The following CADPS variants were observed in gnomAD, a reference collection of about 807,000 sequenced individuals.
CADPS encodes the protein calcium-dependent secretion activator 1.
CADPS carries 57 observed loss-of-function variants against 167.3 expected under a neutral mutation model. The observed-to-expected ratio is 0.34, with a 90% CI of 0.28 to 0.42. The LOEUF is 0.42. Among genes scored for constraint, CADPS ranks in the 20% least tolerant of loss-of-function variants. The pLI is 1.00. For missense variants in CADPS, 1,414 were observed against 1,738.1 expected (o/e 0.81, Z 3.32); for synonymous variants, 676 against 635.3 (o/e 1.06, Z -0.96).
At chr3:62,855,230 G>A (rs140508360) in intron 1 of CADPS, among the ~76,000 whole-genome samples, 2 of 151,596 alleles carry the variant, frequency 1.3e-5, no homozygotes, top group South Asian at 2.1e-4. Flanking sequence ...CAGGCATGAG[G>A]CACTGTGCTT....
chr3:62,754,840 T>G (rs2152428558), intron 2 of CADPS, among the ~76,000 whole-genome samples: 1 of 152,336 alleles, frequency 6.6e-6, no homozygotes, highest in South Asian at 2.1e-4. Context: ...CACATAGCAT[T>G]AAACATTAAC....
At chr3:62,853,809 A>G (rs2079111304) in intron 1 of CADPS, among the ~76,000 whole-genome samples, 1 of 151,062 alleles carries the variant, frequency 6.6e-6, no homozygotes, top group South Asian at 2.1e-4. Context: ...AAAAGTACTT[A>G]GCCAGGTGTG....
intron 6 of CADPS, among the ~76,000 whole-genome samples, chr3:62,633,261 C>T (rs559098515): frequency 6.6e-6 from 1 of 152,280 alleles, no homozygotes; most frequent in East Asian, 1.9e-4. Flanking sequence ...CATCATCGAC[C>T]ACCACCCTGT....
chr3:62,729,067 C>T lies in CADPS; in HGVS notation c.888+24374G>A, dbSNP rs191202503. 2.9e-4 allele frequency among the ~76,000 whole-genome samples: 44 copies of T among 152,066 alleles called. No homozygotes were observed. The South Asian group carries it at 3.1e-3, about 11-fold the overall frequency. ...TGCTAATCCTTTCTATCATTACATG[C>T]TTTTGTATTTAACCCCTTGGCCTTA... is the stretch of plus-strand genomic sequence containing the variant. On this transcript the variant is annotated intron_variant, in intron 3 of 29. Coordinates refer to ENST00000383710, the MANE Select transcript of CADPS (RefSeq NM_003716.4).
At chr3:62,532,850 G>A in intron 13 of CADPS, 21 bp downstream of exon 13, 1 of 1,610,648 alleles carries the variant, frequency 6.2e-7, no homozygotes, top group Non-Finnish European at 8.5e-7. Context: ...ATCACCTCTA[G>A]ACACACGAAC....
chr3:62,499,903 T>C (rs917877117), intron 17 of CADPS: 5 of 152,204 alleles, frequency 3.3e-5, no homozygotes, highest in Non-Finnish European at 7.3e-5. Context: ...GTTGTTACAA[T>C]TGAAATTTTA....
At chr3:62,854,319 G>A (rs2079218529) in intron 1 of CADPS, among the ~76,000 whole-genome samples, 1 of 152,160 alleles carries the variant, frequency 6.6e-6, no homozygotes, top group Non-Finnish European at 1.5e-5. Flanking sequence ...CTTTGTGAAG[G>A]TCATGGCAAG....
At chr3:62,740,508 T>A (rs773927049) in intron 3 of CADPS, among the ~76,000 whole-genome samples, 15 of 152,236 alleles carry the variant, frequency 9.9e-5, no homozygotes, top group Non-Finnish European at 2.1e-4. Flanking sequence ...CTTTGGTCTA[T>A]AATTGGGTAA....
intron 28 of CADPS, among the ~76,000 whole-genome samples, chr3:62,432,943 C>T (rs986325121): frequency 5.9e-5 from 9 of 152,064 alleles, no homozygotes; most frequent in Admixed American, 2.0e-4. Flanking sequence ...TTTAATCAGC[C>T]CCTTAGAAGT....
chr3:62,582,906 A>G (rs1176843526), intron 8 of CADPS, among the ~76,000 whole-genome samples: 1 of 152,222 alleles, frequency 6.6e-6, no homozygotes, highest in East Asian at 1.9e-4. Flanking sequence ...TTTCTAGCAG[A>G]GTGAATGAAG....
intron 24 of CADPS, among the ~76,000 whole-genome samples, chr3:62,468,332 T>C (rs2150439396): frequency 6.6e-6 from 1 of 152,270 alleles, no homozygotes; most frequent in African/African-American, 2.4e-5. Context: ...ATTTATTAAT[T>C]ATGGGAGTAA....
chr3:62,650,986 T>C lies in CADPS; in HGVS notation c.1064A>G (p.Glu355Gly). 1 of 1,614,114 alleles carries C rather than the reference T, an allele frequency of 6.2e-7. No homozygotes were observed. Among genetic ancestry groups the C allele is most frequent in the Non-Finnish European group, 8.5e-7 (1 of 1,179,972 alleles). ...CCCGCCTTTGGATACCGGCATGCTC[T>C]CCAAGTTGGCCATGAGCAGGTTGAC... ...SSVNLLMANL[E>G]SMPVSKGGEF... Residue 355 changes from glutamate (E) to glycine (G), a missense_variant, in exon 5 of 30, where the codon GAG becomes GGG. Glu to Gly is a moderately conservative substitution (Grantham distance 98). Around this residue, in one of 6 missense-constraint regions of CADPS, gnomAD observed 522 missense variants for 559.5 expected, o/e 0.93. Transcript: ENST00000383710.
At chr3:62,671,937 ATTTAT>A (rs1188512469) in intron 3 of CADPS, among the ~76,000 whole-genome samples, 1 of 151,814 alleles carries the variant, frequency 6.6e-6, no homozygotes, top group East Asian at 1.9e-4. Context: ...TAATTTTTTA[ATTTAT>A]TTTAATTTTT....
chr3:62,864,339 T>G (rs1251693751), intron 1 of CADPS, among the ~76,000 whole-genome samples: 1 of 152,188 alleles, frequency 6.6e-6, no homozygotes, highest in Non-Finnish European at 1.5e-5. Context: ...TGATTAGGGA[T>G]GAAGTTGCTG....
chr3:62,842,261 G>A lies in CADPS; in HGVS notation c.441+32328C>T, dbSNP rs111703353. 3.9e-3 allele frequency among the ~76,000 whole-genome samples: 599 copies of A among 152,270 alleles called. 6 individuals are homozygous for A. Among genetic ancestry groups the A allele is most frequent in the African/African-American group, 0.013 (559 of 41,562 alleles). Reference sequence around the variant, plus strand: ...TTCAGAAGAACCCAGTGAGGTAGGCGCTATCATCCCTGTTTTTCAGATGAG... The same window carrying A: ...TTCAGAAGAACCCAGTGAGGTAGGCACTATCATCCCTGTTTTTCAGATGAG... On this transcript the variant is annotated intron_variant, in intron 1 of 29. Coordinates refer to ENST00000383710, the MANE Select transcript of CADPS (RefSeq NM_003716.4).
At chr3:62,694,510 A>G (rs1302173197) in intron 3 of CADPS, among the ~76,000 whole-genome samples, 1 of 152,032 alleles carries the variant, frequency 6.6e-6, no homozygotes, top group Non-Finnish European at 1.5e-5. Flanking sequence ...CTGGGGGAAG[A>G]TCAATTACAT....
At position 62,557,426 on chromosome 3, in the gene CADPS, C is replaced by A; in HGVS notation, c.1732G>T (p.Asp578Tyr). Residue 578 changes from aspartate (D) to tyrosine (Y), a missense_variant, in exon 10 of 30, where the codon GAT becomes TAT. Coordinates refer to ENST00000383710, the MANE Select transcript of CADPS (RefSeq NM_003716.4). ...GTACCTGGCTGGGGGTCGGTGTAAT[C>A]CACAGTGTAGCCATCCAATTGTAGA... Reference protein sequence around the residue: ...ELLQLDGYTVDYTDPQPGLEG... With the variant: ...ELLQLDGYTVYYTDPQPGLEG... 6.2e-7 allele frequency: 1 copy of A among 1,613,824 alleles called. No homozygotes were observed. The highest frequency in any genetic ancestry group is 8.5e-7 in the Non-Finnish European group (1 of 1,179,804).
chr3:62,500,518 G>C (rs1328240317), intron 17 of CADPS: 2 of 152,152 alleles, frequency 1.3e-5, no homozygotes, highest in African/African-American at 4.8e-5. Context: ...AATTCCAGGG[G>C]AACTTGTATT....
intron 3 of CADPS, among the ~76,000 whole-genome samples, chr3:62,722,685 T>TA (rs1352906794): frequency 2.6e-5 from 4 of 152,210 alleles, no homozygotes; most frequent in Non-Finnish European, 4.4e-5. Flanking sequence ...TATGACCCAA[T>TA]AGTTTCCATA....
Sources: gnomAD v4.1 joint callset for allele counts (sites outside exome capture counted in the v4.1 genomes callset) on GRCh38, gnomAD v4.1.1 for gene constraint, gnomAD v4.1.1 regional missense constraint, MANE v1.5 for transcripts, NCBI Gene and HGNC (gene_info 2026-07-23, HGNC 2026-07-21) for gene names.